IL37: variants seen among roughly 807,000 people sequenced by gnomAD.
IL37 encodes interleukin-37.
A neutral mutation model predicts 15.4 loss-of-function variants in IL37; 15 were observed. The observed-to-expected ratio is 0.98, with a 90% CI of 0.65 to 1.50. IL37 has a LOEUF of 1.50. Ranked by LOEUF, IL37 falls within the 40% of genes most tolerant of loss-of-function variation. The pLI, the probability that IL37 is intolerant of heterozygous loss-of-function variation, is 0.00. For synonymous variants in IL37, 98 were observed against 97.4 expected (o/e 1.01, Z -0.03); for missense variants, 269 against 261.7 (o/e 1.03, Z -0.19).
chr2:112,913,704 C>A, intron 2 of IL37, 88 bp from the exon 3 acceptor site: 3 of 983,010 alleles, frequency 3.1e-6, no homozygotes, highest in South Asian at 2.8e-5. Flanking sequence ...AGCACATACA[C>A]AGAAGAGGGA....
intron 3 of IL37, chr2:112,915,401 T>G (rs1292555967): frequency 1.5e-6 from 1 of 678,784 alleles, no homozygotes; most frequent in Admixed American, 2.4e-5. Context: ...ACCAGGTGAT[T>G]CCCAGTGTGC....
At chr2:112,915,565 A>G (rs1463407454) in intron 3 of IL37, among the ~76,000 whole-genome samples, 1 of 152,192 alleles carries the variant, frequency 6.6e-6, no homozygotes, top group African/African-American at 2.4e-5. Flanking sequence ...CTTGCACATT[A>G]AAGTGTGGGA....
In IL37 at chr2:112,912,993, T is replaced by C. The variant is rs147919499; in HGVS notation, c.-20T>C. The C allele has an allele frequency of 5.7e-5, 88 of 1,555,558 alleles. 1 individual carries two copies. The African/African-American group carries it at 1.1e-3, about 19-fold the overall frequency. On this transcript the variant is annotated 5_prime_UTR_variant, in exon 2 of 6. Transcript: ENST00000263326. ...GGACTTCATTCCATTTTCTGTTGAG[T>C]AATAAACTCAACGTTGAAAATGTCC...
intron 3 of IL37, among the ~76,000 whole-genome samples, chr2:112,916,638 A>G (rs1439102481): frequency 6.6e-6 from 1 of 151,970 alleles, no homozygotes; most frequent in Non-Finnish European, 1.5e-5. Flanking sequence ...GATCTGTTCC[A>G]CTCTAGGCAC....
At chr2:112,911,633 T>C (rs1683180256) in intron 1 of IL37, among the ~76,000 whole-genome samples, 1 of 152,218 alleles carries the variant, frequency 6.6e-6, no homozygotes, top group Non-Finnish European at 1.5e-5. Context: ...ACTGCTTCTT[T>C]AGGGAATTCT....
Position 112,918,771 on chromosome 2 carries a change from T to C in IL37, c.619T>C (p.Cys207Arg), listed in dbSNP as rs750728280. The C allele has an allele frequency of 6.2e-7, 1 of 1,614,094 alleles. No individual in the cohort carries two copies. The highest frequency in any genetic ancestry group is 1.1e-5 in the South Asian group (1 of 91,070). The change falls in exon 6 of 6, where the codon TGC (cysteine) becomes CGC (arginine). Residue 207 changes from cysteine to arginine, a missense_variant. Coordinates refer to ENST00000263326, the MANE Select transcript of IL37 (RefSeq NM_014439.4). The part of the protein sequence containing the change: ...KHIEFSFQPV[C>R]KAEMSPSEVS... ...CATTGAATTTTCATTTCAACCAGTT[T>C]GCAAAGCTGAAATGAGCCCCAGTGA...
Position 112,913,713 on chromosome 2 carries a change from G to T in IL37, c.83-79G>T, listed in dbSNP as rs1027216142. On this transcript the variant is annotated intron_variant, in intron 2 of 5. Transcript: ENST00000263326. ...TTTCTCAGCACATACACAGAAGAGG[G>T]AATTAAATGGTCTTTGATACCCCTA... The T allele has an allele frequency of 3.7e-5, 39 of 1,062,724 alleles. No homozygotes were observed. The African/African-American group carries it at 5.5e-4, about 15-fold the overall frequency. 65.8% of individuals were successfully genotyped at this position (1,062,724 alleles called of 1,614,324 possible).
At position 112,917,745 on chromosome 2, in the gene IL37, A is replaced by G; in HGVS notation, c.376A>G (p.Lys126Glu). Residue 126 changes from lysine (K) to glutamate (E), a missense_variant, in exon 5 of 6, where the codon AAA (lysine) becomes GAA (glutamate). Physicochemically the swap from Lys to Glu is moderately conservative, Grantham distance 56. Transcript: ENST00000263326. ...GEFCLYCDKD[K>E]GQSHPSLQLK... ...GTTTTGTCTCTACTGTGACAAGGAT[A>G]AAGGACAAAGTCATCCATCCCTTCA... 1 of 1,614,148 alleles carries G rather than the reference A, an allele frequency of 6.2e-7. No individual in the cohort carries two copies. Among genetic ancestry groups the G allele is most frequent in the Non-Finnish European group, 8.5e-7 (1 of 1,179,994 alleles).
In IL37 at chr2:112,918,677, G is replaced by T; in HGVS notation, c.525G>T (p.Trp175Cys). ...TGGAGTCGGCGGCTCACCCCGGATGGTTCATCTGCACCTCCTGCAATTGTA... is the reference window on the plus strand; with the variant it reads ...TGGAGTCGGCGGCTCACCCCGGATGTTTCATCTGCACCTCCTGCAATTGTA... ...NMLESAAHPG[W>C]FICTSCNCNE... The change falls in exon 6 of 6, where the codon TGG becomes TGT. Residue 175 changes from tryptophan (W) to cysteine (C), a missense_variant. By Grantham distance (215) the Trp-to-Cys change is radical. Coordinates refer to ENST00000263326, the MANE Select transcript of IL37 (RefSeq NM_014439.4). The T allele has an allele frequency of 6.2e-7, 1 of 1,614,154 alleles. No homozygotes were observed. Among genetic ancestry groups the T allele is most frequent in the Non-Finnish European group, 8.5e-7 (1 of 1,180,034 alleles).
intron 3 of IL37, chr2:112,915,296 CT>C: frequency 3.2e-6 from 5 of 1,564,640 alleles, no homozygotes; most frequent in Non-Finnish European, 4.4e-6. Context: ...AAAGTAGCTT[CT>C]TAAAAAGAGC....
At chr2:112,917,003 T>A in intron 3 of IL37, 126 bp from the exon 4 acceptor site, 1 of 1,019,764 alleles carries the variant, frequency 9.8e-7, no homozygotes, top group Non-Finnish European at 1.4e-6. Context: ...AAATATTCAG[T>A]GGCTGTGATG....
chr2:112,913,526 C>A (rs1399224430), intron 2 of IL37, among the ~76,000 whole-genome samples: 1 of 152,112 alleles, frequency 6.6e-6, no homozygotes, highest in Admixed American at 6.5e-5. Flanking sequence ...CCATGGGGGA[C>A]AATAGGAGGA....
chr2:112,915,548 G>A (rs1683289210), intron 3 of IL37, among the ~76,000 whole-genome samples: 1 of 152,208 alleles, frequency 6.6e-6, no homozygotes, highest in African/African-American at 2.4e-5. Context: ...TAGTTTGCAG[G>A]TGATTTCTTG....
At chr2:112,918,377 G>A (rs1683371371) in intron 5 of IL37, among the ~76,000 whole-genome samples, 184 bp from the exon 6 acceptor site, 1 of 152,078 alleles carries the variant, frequency 6.6e-6, no homozygotes, top group African/African-American at 2.4e-5. Context: ...CTGGAAAAGA[G>A]GGCAGGATTG....
rs200591262 is a variant in IL37, at chr2:112,917,153, C to T, written c.170C>T (p.Pro57Leu). The change falls in exon 4 of 6, where the codon CCG becomes CTG. Residue 57 changes from proline (P) to leucine (L), a missense_variant. Physicochemically the swap from Pro to Leu is moderately conservative, Grantham distance 98. Transcript: ENST00000263326. Reference protein sequence around the residue: ...HTSPKVKNLNPKKFSIHDQDH... With the variant: ...HTSPKVKNLNLKKFSIHDQDH... ...GGTCCAAAGGTGAAGAACTTAAACC[C>T]GAAGAAATTCAGCATTCATGACCAG... 8.1e-6 allele frequency: 13 copies of T among 1,613,838 alleles called. No individual in the cohort carries two copies. Among genetic ancestry groups the T allele is most frequent in the African/African-American group, 4.0e-5 (3 of 74,880 alleles).
intron 3 of IL37, among the ~76,000 whole-genome samples, chr2:112,914,134 T>C (rs1197532395): frequency 6.6e-6 from 1 of 152,056 alleles, no homozygotes; most frequent in Non-Finnish European, 1.5e-5. Flanking sequence ...CTTCTGACCA[T>C]AGCCAAGAGA....
intron 1 of IL37, 128 bp from the exon 2 acceptor site, chr2:112,912,835 C>T (rs930001077): frequency 3.9e-5 from 19 of 482,272 alleles, no homozygotes; most frequent in Non-Finnish European, 6.5e-5. Flanking sequence ...CCCCTTGGTG[C>T]CTTTCTGGTT....
intron 3 of IL37, 122 bp from the exon 4 acceptor site, chr2:112,917,007 T>C: frequency 1.9e-6 from 2 of 1,060,240 alleles, no homozygotes; most frequent in Non-Finnish European, 2.7e-6. Flanking sequence ...ATTCAGTGGC[T>C]GTGATGTCTG....
At chr2:112,913,734 C>A (rs1683233239) in intron 2 of IL37, 58 bp from the exon 3 acceptor site, 6 of 1,380,942 alleles carry the variant, frequency 4.3e-6, no homozygotes, top group Non-Finnish European at 6.2e-6. Flanking sequence ...TCTTTGATAC[C>A]CCTAAATCCT....
Sources: allele counts gnomAD v4.1 joint callset (sites outside exome capture counted in the v4.1 genomes callset), GRCh38; gene constraint gnomAD v4.1.1; transcripts MANE v1.5; gene names NCBI Gene and HGNC (gene_info 2026-07-23, HGNC 2026-07-21).